Variants in DOCK5 observed in about 807,000 individuals in gnomAD.
DOCK5 encodes the protein dedicator of cytokinesis protein 5.
Under a neutral mutation model 251.8 loss-of-function variants are expected in DOCK5, and 142 were observed. That is an observed-to-expected ratio of 0.56 (90% CI 0.49 to 0.65). The LOEUF (loss-of-function observed/expected upper bound fraction) is 0.65, where lower values mean the gene tolerates loss of function less well. Among genes scored for constraint, DOCK5 ranks in the 30% least tolerant of loss-of-function variants. DOCK5 has a pLI of 0.00. For missense variants in DOCK5, 2,111 were observed against 2,312.3 expected, an observed-to-expected ratio of 0.91 and a Z score of 1.79; for synonymous variants, 842 against 835.5, an observed-to-expected ratio of 1.01 and a Z score of -0.13.
At chr8:25,306,702 AT>A (rs11314027) in intron 11 of DOCK5, among the ~76,000 whole-genome samples, 4,896 of 151,766 alleles carry the variant, frequency 0.032, 245 homozygotes, top group African/African-American at 0.11. Flanking sequence ...TGAAAAAAAA[AT>A]AAATAAATAA....
chr8:25,403,711 C>G lies in DOCK5; in HGVS notation c.5080C>G (p.Pro1694Ala). 2 of 1,613,888 alleles carry G rather than the reference C, an allele frequency of 1.2e-6. No homozygotes were observed. The highest frequency in any genetic ancestry group is 1.7e-6 in the Non-Finnish European group (2 of 1,179,828). ...SNSSDNAPSRPGSDGSILEPL... is the reference protein window; with the variant it reads ...SNSSDNAPSRAGSDGSILEPL... ...CTCGTCTGACAATGCTCCTTCCAGA[C>G]CGGGATCTGATGGGTAAGGGTTTCA... Residue 1694 changes from proline (P) to alanine (A), a missense_variant, in exon 48 of 52, where the codon CCG (proline) becomes GCG (alanine). Physicochemically the swap from Pro to Ala is conservative, Grantham distance 27. Coordinates refer to ENST00000276440, the MANE Select transcript of DOCK5 (RefSeq NM_024940.8).
At chr8:25,224,722 A>G (rs374149317) in intron 1 of DOCK5, among the ~76,000 whole-genome samples, 27 of 152,328 alleles carry the variant, frequency 1.8e-4, no homozygotes, top group African/African-American at 6.5e-4. Flanking sequence ...CATTAGATAT[A>G]AAAACAGCCA....
rs1359322402 is a variant in DOCK5 at position 25,389,197 on chromosome 8, C to T, written c.4238C>T (p.Pro1413Leu). ...GCGGAGAAGATGACCAGTACCACGC[C>T]TCCTGGGGAAGACATCAAGTCGTCC... The part of the protein sequence containing the change: ...PNAEKMTSTT[P>L]PGEDIKSSPK... Residue 1413 changes from proline to leucine, a missense_variant, in exon 41 of 52, where the codon CCT (proline) becomes CTT (leucine). Coordinates refer to ENST00000276440, the MANE Select transcript of DOCK5 (RefSeq NM_024940.8). The T allele has an allele frequency of 6.2e-7, 1 of 1,613,986 alleles. No individual in the cohort carries two copies. The highest frequency in any genetic ancestry group is 8.5e-7 in the Non-Finnish European group (1 of 1,179,874).
At chr8:25,255,088 C>CT (rs1218115406) in intron 2 of DOCK5, among the ~76,000 whole-genome samples, 1 of 152,162 alleles carries the variant, frequency 6.6e-6, no homozygotes, top group African/African-American at 2.4e-5. Context: ...AACAGGAACT[C>CT]TCATTCATTG....
chr8:25,329,408 AT>A (rs1805632691), intron 18 of DOCK5, among the ~76,000 whole-genome samples: 1 of 151,992 alleles, frequency 6.6e-6, no homozygotes, highest in Non-Finnish European at 1.5e-5. Context: ...TCTCTTAGCA[AT>A]TTTCAAGTAT....
In DOCK5 at chr8:25,362,936, T is replaced by G. The variant is rs1439352389; in HGVS notation, c.2950-111T>G. The G allele has an allele frequency of 4.0e-6, 3 of 750,276 alleles. No homozygotes were observed. In the Admixed American group the frequency reaches 7.0e-5, roughly 18 times the overall value. 46.5% of individuals were successfully genotyped at this position (750,276 alleles called of 1,614,324 possible). On this transcript the variant is annotated intron_variant, in intron 28 of 51. Coordinates refer to ENST00000276440, the MANE Select transcript of DOCK5 (RefSeq NM_024940.8). ...ACCCTTGAAAGATGGGCTGTTACTG[T>G]GGGGCTAGGAACATCCTGTTCTGAG...
At chr8:25,354,047 AAC>A (rs1491034206) in intron 27 of DOCK5, among the ~76,000 whole-genome samples, 32 of 28,220 alleles carry the variant, frequency 1.1e-3, no homozygotes, top group African/African-American at 2.9e-3. Flanking sequence ...AAAAAAAAAA[AAC>A]AAACAAAAAA....
At chr8:25,284,593 G>C (rs1804284637) in intron 5 of DOCK5, among the ~76,000 whole-genome samples, 1 of 152,338 alleles carries the variant, frequency 6.6e-6, no homozygotes, top group East Asian at 1.9e-4. Context: ...CCAGCGAGCT[G>C]ATCTTTGGCC....
At chr8:25,244,630 AG>A (rs1803047579) in intron 2 of DOCK5, among the ~76,000 whole-genome samples, 1 of 152,338 alleles carries the variant, frequency 6.6e-6, no homozygotes, top group East Asian at 1.9e-4. Context: ...GTGAAACGGC[AG>A]AGATGGTCCG....
At chr8:25,275,521 G>A (rs574833337) in intron 4 of DOCK5, 80 bp downstream of exon 4, 6 of 1,392,206 alleles carry the variant, frequency 4.3e-6, no homozygotes, top group East Asian at 4.7e-5. Context: ...AGGCATTAAT[G>A]CCTTATGTAC....
At chr8:25,405,226 A>T in intron 48 of DOCK5, among the ~76,000 whole-genome samples, 1 of 151,016 alleles carries the variant, frequency 6.6e-6, no homozygotes, top group Non-Finnish European at 1.5e-5. Flanking sequence ...GTTTTATTTC[A>T]CAATTAAAGG....
At position 25,319,546 on chromosome 8, in the gene DOCK5, A is replaced by G. The variant is rs183446142; in HGVS notation, c.1444-32A>G. The G allele has an allele frequency of 5.8e-4, 871 of 1,504,230 alleles. 4 individuals are homozygous for G. The East Asian group carries it at 0.017, about 29-fold the overall frequency. 93.2% of individuals were successfully genotyped at this position (1,504,230 alleles called of 1,614,324 possible). ...TCCTCTTACTTTTCTAAACAAAATT[A>G]TTCCCTTCTAATTTTTTCCTTCCAT... On this transcript the variant is annotated intron_variant, in intron 14 of 51. Transcript: ENST00000276440.
chr8:25,272,693 T>C (rs897916168), intron 3 of DOCK5, among the ~76,000 whole-genome samples: 4 of 152,178 alleles, frequency 2.6e-5, no homozygotes, highest in Admixed American at 1.3e-4. Flanking sequence ...TTTTTTATTG[T>C]GGTAAAAATA....
At chr8:25,291,565 C>A (rs1804487379) in intron 5 of DOCK5, among the ~76,000 whole-genome samples, 1 of 151,820 alleles carries the variant, frequency 6.6e-6, no homozygotes, top group South Asian at 2.1e-4. Flanking sequence ...CTCCTGTAGT[C>A]CCAGCTATTC....
intron 2 of DOCK5, among the ~76,000 whole-genome samples, chr8:25,253,024 A>G (rs1008099698): frequency 2.0e-5 from 3 of 152,140 alleles, no homozygotes; most frequent in Admixed American, 6.5e-5. Flanking sequence ...TGGTTTTGCC[A>G]TGTTGGCTAG....
At chr8:25,187,283 A>G (rs1340965362) in intron 1 of DOCK5, among the ~76,000 whole-genome samples, 1 of 149,044 alleles carries the variant, frequency 6.7e-6, no homozygotes. Flanking sequence ...ATATATGTAT[A>G]TATGTATATA....
chr8:25,264,436 C>T (rs1291692608), intron 2 of DOCK5, among the ~76,000 whole-genome samples: 1 of 151,780 alleles, frequency 6.6e-6, no homozygotes, highest in Admixed American at 6.6e-5. Context: ...CTCTCTTCCT[C>T]TTCACTGCAC....
intron 36 of DOCK5, among the ~76,000 whole-genome samples, chr8:25,374,087 A>G (rs1800921368): frequency 6.6e-6 from 1 of 152,212 alleles, no homozygotes; most frequent in Admixed American, 6.5e-5. Flanking sequence ...ATTTAAAAAC[A>G]TTAAACACCA....
intron 1 of DOCK5, among the ~76,000 whole-genome samples, chr8:25,235,875 G>C (rs143634928): frequency 1.4e-5 from 2 of 139,868 alleles, no homozygotes; most frequent in African/African-American, 5.4e-5. Context: ...TCAGCTCACT[G>C]CAACCTCCAC....
Sources: gnomAD v4.1 joint callset for allele counts (sites outside exome capture counted in the v4.1 genomes callset) on GRCh38, gnomAD v4.1.1 for gene constraint, MANE v1.5 for transcripts, NCBI Gene and HGNC (gene_info 2026-07-23, HGNC 2026-07-21) for gene names.